The following CNTNAP2 variants were observed in gnomAD, a reference collection of about 807,000 sequenced individuals.
CNTNAP2 encodes the protein contactin-associated protein-like 2.
A neutral mutation model predicts 155.2 loss-of-function variants in CNTNAP2; 98 were observed. The observed-to-expected ratio is 0.63, with a 90% confidence interval of 0.54 to 0.75. The LOEUF (loss-of-function observed/expected upper bound fraction) is 0.75, where lower values mean the gene tolerates loss of function less well. Ranked by LOEUF, CNTNAP2 falls within the 30% of genes least tolerant of loss-of-function variation. CNTNAP2 has a pLI of 0.00. For missense variants in CNTNAP2, 1,727 were observed against 1,688.1 expected (o/e 1.02, Z -0.40); for synonymous variants, 651 against 631.2 (o/e 1.03, Z -0.47).
chr7:146,779,300 TATCCCCGTTTTACAA>T (rs1802441944), intron 2 of CNTNAP2, among the ~76,000 whole-genome samples: 1 of 152,166 alleles, frequency 6.6e-6, no homozygotes, highest in Admixed American at 6.6e-5. Flanking sequence ...AACTAGTTAT[TATCCCCGTTTTACAA>T]ATTCAAATAA....
At chr7:148,092,608 G>T (rs1327429887) in intron 15 of CNTNAP2, among the ~76,000 whole-genome samples, 1 of 152,134 alleles carries the variant, frequency 6.6e-6, no homozygotes, top group Non-Finnish European at 1.5e-5. Context: ...AGTAAGAAAA[G>T]AACTTCAAAA....
intron 3 of CNTNAP2, among the ~76,000 whole-genome samples, chr7:146,934,479 A>T (rs1796867566): frequency 6.6e-6 from 1 of 151,302 alleles, no homozygotes. Context: ...GGAGAGCAAT[A>T]GGAGATATAC....
chr7:146,350,299 T>G (rs561716705), intron 1 of CNTNAP2, among the ~76,000 whole-genome samples: 3 of 152,122 alleles, frequency 2.0e-5, no homozygotes, highest in Admixed American at 1.3e-4. Flanking sequence ...GGCTAATATC[T>G]AGAATCTACA....
chr7:148,283,319 G>A (rs867995756), intron 21 of CNTNAP2, among the ~76,000 whole-genome samples: 26 of 93,914 alleles, frequency 2.8e-4, no homozygotes, highest in South Asian at 5.9e-4. Flanking sequence ...AAGGAAGGAA[G>A]GAAAGAAAGA....
chr7:146,774,028 G>A (rs1026793280), intron 1 of CNTNAP2, among the ~76,000 whole-genome samples: 1 of 152,120 alleles, frequency 6.6e-6, no homozygotes, highest in Non-Finnish European at 1.5e-5. Flanking sequence ...CAAGACTGAG[G>A]TGAAGTCCTT....
At chr7:146,919,199 G>C (rs1023012714) in intron 3 of CNTNAP2, among the ~76,000 whole-genome samples, 1 of 152,132 alleles carries the variant, frequency 6.6e-6, no homozygotes, top group Non-Finnish European at 1.5e-5. Flanking sequence ...CAGAGATTTT[G>C]TCTTGGTTTG....
At chr7:147,000,971 A>G (rs1426870953) in intron 3 of CNTNAP2, among the ~76,000 whole-genome samples, 2 of 152,104 alleles carry the variant, frequency 1.3e-5, no homozygotes, top group Non-Finnish European at 2.9e-5. Context: ...GGCTAAAATC[A>G]GAGATCATGC....
intron 1 of CNTNAP2, among the ~76,000 whole-genome samples, chr7:146,661,668 T>C (rs1008160076): frequency 6.6e-6 from 1 of 152,102 alleles, no homozygotes; most frequent in African/African-American, 2.4e-5. Context: ...CCAGAGTTGT[T>C]TGCTTATCCA....
intron 18 of CNTNAP2, among the ~76,000 whole-genome samples, chr7:148,212,158 C>T (rs1795562903): frequency 6.6e-6 from 1 of 151,002 alleles, no homozygotes; most frequent in African/African-American, 2.4e-5. Context: ...TTTTTTCTCC[C>T]ACTGTAAGCC....
At chr7:146,835,356 A>G (rs892222291) in intron 2 of CNTNAP2, among the ~76,000 whole-genome samples, 4 of 152,174 alleles carry the variant, frequency 2.6e-5, no homozygotes, top group South Asian at 2.1e-4. Context: ...AGTTCACTCA[A>G]TCACTCTGTT....
chr7:147,515,353 C>T (rs548753950), intron 11 of CNTNAP2, among the ~76,000 whole-genome samples: 26 of 119,742 alleles, frequency 2.2e-4, no homozygotes, highest in African/African-American at 6.9e-4. Flanking sequence ...AGACAAGTCT[C>T]GCTCTGTCGC....
intron 1 of CNTNAP2, among the ~76,000 whole-genome samples, chr7:146,192,569 A>G (rs4445149): frequency 0.31 from 46,300 of 151,782 alleles, 8,318 homozygotes; most frequent in African/African-American, 0.5. Context: ...CTCATGCGAC[A>G]TATTCACTAT....
intron 15 of CNTNAP2, among the ~76,000 whole-genome samples, chr7:148,061,956 T>A (rs1411505614): frequency 3.6e-5 from 1 of 28,160 alleles, no homozygotes; most frequent in African/African-American, 1.6e-4. Flanking sequence ...TAAACAGATA[T>A]AGATAGATAG....
rs144730800 is a variant in CNTNAP2, at chr7:148,081,229, T to C, written c.2384-36889T>C. On this transcript the variant is annotated intron_variant, in intron 15 of 23. Coordinates refer to ENST00000361727, the MANE Select transcript of CNTNAP2 (RefSeq NM_014141.6). ...TCTATTCCAAAGTGTGATTTTTTTA[T>C]TGGGTGAGGGGGACCTGAGAAAGCT... Among the ~76,000 whole-genome samples, 477 of 152,272 alleles carry C rather than the reference T, an allele frequency of 3.1e-3. 1 individual carries two copies. Among genetic ancestry groups the C allele is most frequent in the African/African-American group, 0.011 (442 of 41,558 alleles).
rs1012670087 is a variant in CNTNAP2, at chr7:148,182,441, A to G, written c.3010+9963A>G. The stretch of plus-strand genomic sequence containing the variant: ...TGGGCCATGAAGACCTGCCTCTGAC[A>G]TGCAATTTCTTCACTCCACAACCAT... On this transcript the variant is annotated intron_variant, in intron 18 of 23. Transcript: ENST00000361727. 6.0e-5 allele frequency among the ~76,000 whole-genome samples: 9 copies of G among 149,472 alleles called. No homozygotes were observed. The Admixed American group carries it at 6.0e-4, about 10-fold the overall frequency.
intron 3 of CNTNAP2, among the ~76,000 whole-genome samples, chr7:147,040,617 C>G (rs565161127): frequency 6.6e-6 from 1 of 151,844 alleles, no homozygotes; most frequent in Admixed American, 6.6e-5. Context: ...TGCATGACCA[C>G]ACCTGGCTGA....
intron 11 of CNTNAP2, among the ~76,000 whole-genome samples, chr7:147,551,804 T>C (rs1342699435): frequency 6.6e-6 from 1 of 152,204 alleles, no homozygotes; most frequent in Non-Finnish European, 1.5e-5. Flanking sequence ...GGATTATCTA[T>C]ATTTGAATCT....
intron 13 of CNTNAP2, among the ~76,000 whole-genome samples, chr7:147,813,737 A>G (rs897362348): frequency 6.6e-6 from 1 of 152,214 alleles, no homozygotes; most frequent in Admixed American, 6.5e-5. Flanking sequence ...TATTCTGCAC[A>G]TGCACGCACG....
chr7:147,451,910 T>C (rs948222231), intron 10 of CNTNAP2, among the ~76,000 whole-genome samples: 4 of 152,206 alleles, frequency 2.6e-5, no homozygotes, highest in Non-Finnish European at 5.9e-5. Context: ...TTTGGTGACC[T>C]CTTGCCGTCT....
Sources: allele counts gnomAD v4.1 joint callset (sites outside exome capture counted in the v4.1 genomes callset), GRCh38; gene constraint gnomAD v4.1.1; transcripts MANE v1.5; gene names NCBI Gene and HGNC (gene_info 2026-07-23, HGNC 2026-07-21).